The following CCDC196 variants were observed in gnomAD, a reference collection of about 807,000 sequenced individuals.
The protein encoded by CCDC196 is coiled-coil domain containing 196.
chr14:66,487,558 A>G (rs1311560172), intron 2 of CCDC196, among the ~76,000 whole-genome samples: 1 of 152,242 alleles, frequency 6.6e-6, no homozygotes, highest in Non-Finnish European at 1.5e-5. Flanking sequence ...AGAAAAAAGT[A>G]CAAGAACACA....
At chr14:66,493,164 T>G (rs189041539) in intron 8 of CCDC196, among the ~76,000 whole-genome samples, 51 of 152,306 alleles carry the variant, frequency 3.3e-4, no homozygotes, top group Non-Finnish European at 6.3e-4. Context: ...AATTTCTTAG[T>G]CTTATTCTGT....
chr14:66,490,923 A>T, intron 5 of CCDC196, 98 bp from the exon 6 acceptor site: 1 of 412,160 alleles, frequency 2.4e-6, no homozygotes, highest in Non-Finnish European at 4.4e-6. Context: ...GATAGGTAGG[A>T]TCTGGGTTTT....
At chr14:66,489,075 A>C (rs2081561501) in intron 4 of CCDC196, 38 bp downstream of exon 4, 1 of 413,052 alleles carries the variant, frequency 2.4e-6, no homozygotes, top group Admixed American at 4.4e-5. Flanking sequence ...ATTGTCCTAC[A>C]GATCACAACG....
chr14:66,495,418 G>C (rs1268008004), intron 8 of CCDC196, among the ~76,000 whole-genome samples: 3 of 152,136 alleles, frequency 2.0e-5, no homozygotes, highest in Non-Finnish European at 2.9e-5. Flanking sequence ...TCTATGAAAG[G>C]TATTATAGAA....
At chr14:66,496,420 T>G in intron 8 of CCDC196, 1 of 454,770 alleles carries the variant, frequency 2.2e-6, no homozygotes. Flanking sequence ...ATTCCCTTGA[T>G]GCCCAGGATG....
intron 8 of CCDC196, 145 bp downstream of exon 8, chr14:66,492,339 C>CTT (rs11449017): frequency 0.078 from 23,215 of 295,832 alleles, 17 homozygotes; most frequent in East Asian, 0.12. Context: ...TTTTCATTAT[C>CTT]TTTTTTTTTT....
intron 4 of CCDC196, 125 bp from the exon 5 acceptor site, chr14:66,490,617 A>G: frequency 2.5e-6 from 1 of 396,930 alleles, no homozygotes; most frequent in Non-Finnish European, 4.4e-6. Context: ...TTGGTAGTAC[A>G]CTTTTCATGC....
chr14:66,489,299 C>T (rs1312600250), intron 4 of CCDC196, among the ~76,000 whole-genome samples: 1 of 152,212 alleles, frequency 6.6e-6, no homozygotes, highest in Non-Finnish European at 1.5e-5. Flanking sequence ...CATAGATGTC[C>T]TTCCCTTGCT....
intron 8 of CCDC196, chr14:66,493,833 T>C (rs1355040962): frequency 2.0e-5 from 3 of 152,154 alleles, no homozygotes; most frequent in African/African-American, 7.2e-5. Context: ...TATTAAATCA[T>C]TAAGATACAA....
intron 6 of CCDC196, 149 bp downstream of exon 6, chr14:66,491,253 T>C (rs760779475): frequency 2.2e-4 from 89 of 398,904 alleles, no homozygotes; most frequent in Non-Finnish European, 3.0e-4. Context: ...ATATTTGAGT[T>C]AGAGTGATAT....
At chr14:66,491,152 A>G (rs562415380) in intron 6 of CCDC196, 48 bp downstream of exon 6, 1 of 412,310 alleles carries the variant, frequency 2.4e-6, no homozygotes, top group African/African-American at 2.1e-5. Flanking sequence ...CTAGTAAACT[A>G]GAAATCTTTA....
At position 66,498,172 on chromosome 14, in the gene CCDC196, G is replaced by A. The variant is rs2057711529; in HGVS notation, c.774+5G>A. On this transcript the variant is annotated splice_donor_5th_base_variant and intron_variant, in intron 9 of 9. Coordinates refer to ENST00000636229, the MANE Select transcript of CCDC196 (RefSeq NM_001351576.1). ...GGCAGAAATGAACACCATGTGGTGA[G>A]AACTACTTTCTTTAAACAAACAAAA... 2.4e-6 allele frequency: 1 copy of A among 412,662 alleles called. No homozygotes were observed. Among genetic ancestry groups the A allele is most frequent in the Admixed American group, 4.4e-5 (1 of 22,682 alleles). The allele number at this position is 412,662 out of a possible 1,614,324, so 25.6% of individuals were successfully genotyped here. A position where few individuals can be genotyped will look rare whatever the true frequency, so the allele number is the denominator to read the frequency against.
chr14:66,492,462 CT>C (rs1230665494), intron 8 of CCDC196, among the ~76,000 whole-genome samples: 1 of 152,016 alleles, frequency 6.6e-6, no homozygotes, highest in Non-Finnish European at 1.5e-5. Flanking sequence ...CTGCCTCAGC[CT>C]TCCGAGTAGC....
intron 8 of CCDC196, among the ~76,000 whole-genome samples, chr14:66,495,436 C>T (rs1317523927): frequency 6.6e-6 from 1 of 152,146 alleles, no homozygotes. Context: ...GAACAAGAAA[C>T]AAGCTCAGAG....
rs1282214619 is a variant in CCDC196, at chr14:66,498,160, A to G, written c.767A>G (p.His256Arg). ...MDRVTTGRNE[H>R]HVRILGTKIY... ...AGAGTGACTACTGGCAGAAATGAAC[A>G]CCATGTGGTGAGAACTACTTTCTTT... The change falls in exon 9 of 10, where the codon CAC becomes CGC. Residue 256 changes from histidine (H) to arginine (R), a missense_variant. His to Arg is a conservative substitution (Grantham distance 29). Transcript: ENST00000636229. The G allele has an allele frequency of 2.4e-6, 1 of 412,842 alleles. No individual in the cohort carries two copies. The highest frequency in any genetic ancestry group is 4.4e-6 in the Non-Finnish European group (1 of 225,770). The allele number at this position is 412,842 out of a possible 1,614,324, so 25.6% of individuals were successfully genotyped here.
chr14:66,491,526 G>A lies in CCDC196; in HGVS notation c.514-100G>A, dbSNP rs191855297. The A allele has an allele frequency of 7.5e-5, 31 of 412,294 alleles. No individual in the cohort carries two copies. The East Asian group carries it at 1.1e-3, about 15-fold the overall frequency. 25.5% of individuals were successfully genotyped at this position (412,294 alleles called of 1,614,324 possible). On this transcript the variant is annotated intron_variant, in intron 6 of 9. Transcript: ENST00000636229. ...TTAAAGTCAATTTAATAGTAAATCT[G>A]CGACACTATAATTTTGCTATAAGGC...
chr14:66,494,979 TGA>T, intron 8 of CCDC196: 1 of 150,584 alleles, frequency 6.6e-6, no homozygotes, highest in Non-Finnish European at 1.5e-5. Context: ...TGAGCTGCGA[TGA>T]CGCCACTGCA....
At chr14:66,493,484 T>C (rs2057590100) in intron 8 of CCDC196, among the ~76,000 whole-genome samples, 1 of 152,192 alleles carries the variant, frequency 6.6e-6, no homozygotes, top group Admixed American at 6.5e-5. Context: ...CAGGACATTG[T>C]TTGTGTGATG....
chr14:66,498,028 TACAAA>T, intron 8 of CCDC196, 76 bp from the exon 9 acceptor site: 2 of 404,586 alleles, frequency 4.9e-6, no homozygotes, highest in Non-Finnish European at 9.0e-6. Flanking sequence ...CCCACAGTGA[TACAAA>T]ACAAAACAAA....
Sources: gnomAD v4.1 joint callset for allele counts (sites outside exome capture counted in the v4.1 genomes callset) on GRCh38, gnomAD v4.1.1 for gene constraint, MANE v1.5 for transcripts, NCBI Gene and HGNC (gene_info 2026-07-23, HGNC 2026-07-21) for gene names.